The following CD47 variants were observed in gnomAD, a reference collection of about 807,000 sequenced individuals.
The protein encoded by CD47 is leukocyte surface antigen CD47.
A neutral mutation model predicts 44.6 loss-of-function variants in CD47; 11 were observed. That is an observed-to-expected ratio of 0.25 (90% CI 0.16 to 0.41). CD47 has a LOEUF of 0.41. CD47 is among the 10% of genes least tolerant of loss of function. CD47 has a pLI of 1.00. For missense variants in CD47, 306 were observed against 386.7 expected, an observed-to-expected ratio of 0.79 and a Z score of 1.75; for synonymous variants, 140 against 136.3, an observed-to-expected ratio of 1.03 and a Z score of -0.19.
intron 2 of CD47, 65 bp from the exon 3 acceptor site, chr3:108,071,247 G>C (rs2079195550): frequency 1.4e-6 from 1 of 734,794 alleles, no homozygotes; most frequent in East Asian, 2.8e-5. Context: ...TCTGCTAATG[G>C]TCTATAATAC....
chr3:108,090,925 G>A lies in CD47; in HGVS notation c.-17C>T. The A allele has an allele frequency of 6.8e-7, 1 of 1,468,162 alleles. No homozygotes were observed. Among genetic ancestry groups the A allele is most frequent in the Non-Finnish European group, 9.0e-7 (1 of 1,113,414 alleles). 90.9% of individuals were successfully genotyped at this position (1,468,162 alleles called of 1,614,324 possible). Reference sequence around the variant, plus strand: ...GGGCCACATCTCCGCGCCCGCCGCGGGGTCGCCGCCGCCGCCGCAGGTGTC... The same window carrying A: ...GGGCCACATCTCCGCGCCCGCCGCGAGGTCGCCGCCGCCGCCGCAGGTGTC... On this transcript the variant is annotated 5_prime_UTR_variant, in exon 1 of 11. Transcript: ENST00000361309.
chr3:108,081,508 C>T (rs2079416968), intron 1 of CD47, among the ~76,000 whole-genome samples: 1 of 151,988 alleles, frequency 6.6e-6, no homozygotes, highest in Admixed American at 6.6e-5. Context: ...ACTATGTTTA[C>T]TCAATAAATA....
At chr3:108,086,882 G>A (rs1163105104) in intron 1 of CD47, among the ~76,000 whole-genome samples, 1 of 152,166 alleles carries the variant, frequency 6.6e-6, no homozygotes, top group Non-Finnish European at 1.5e-5. Context: ...AAGTGAAAAG[G>A]TGGTAGACAG....
At chr3:108,089,684 G>A (rs1302074272) in intron 1 of CD47, among the ~76,000 whole-genome samples, 2 of 152,140 alleles carry the variant, frequency 1.3e-5, no homozygotes, top group Non-Finnish European at 2.9e-5. Context: ...CAGGATGCTC[G>A]GGGAGGGAGG....
chr3:108,073,961 C>T (rs1435336920), intron 2 of CD47, among the ~76,000 whole-genome samples: 3 of 152,126 alleles, frequency 2.0e-5, no homozygotes, highest in Non-Finnish European at 2.9e-5. Context: ...TGAGCAATGG[C>T]TAAAAGAACA....
chr3:108,063,861 AATTAC>A (rs1033666271), intron 3 of CD47, among the ~76,000 whole-genome samples: 1 of 152,210 alleles, frequency 6.6e-6, no homozygotes, highest in African/African-American at 2.4e-5. Flanking sequence ...AAATAACAGT[AATTAC>A]ATGCTTAACA....
At position 108,090,981 on chromosome 3, in the gene CD47, C is replaced by T. The variant is rs948263013; in HGVS notation, c.-73G>A. 2.5e-5 allele frequency: 27 copies of T among 1,095,388 alleles called. No homozygotes were observed. The South Asian group carries it at 4.4e-4, about 18-fold the overall frequency. 67.9% of individuals were successfully genotyped at this position (1,095,388 alleles called of 1,614,324 possible). ...CAGCAGCCGCCGCCGCCGTTACAGG[C>T]AGGACCGACCGCCGCCGCGCGTCAC... On this transcript the variant is annotated 5_prime_UTR_variant, in exon 1 of 11. Transcript: ENST00000361309.
rs1046959133 is a variant in CD47 at position 108,090,989 on chromosome 3, A to C, written c.-81T>G. 3.9e-6 allele frequency: 4 copies of C among 1,022,598 alleles called. No individual in the cohort carries two copies. Among genetic ancestry groups the C allele is most frequent in the Non-Finnish European group, 5.2e-6 (4 of 765,448 alleles). 63.3% of individuals were successfully genotyped at this position (1,022,598 alleles called of 1,614,324 possible). Reference sequence around the variant, plus strand: ...GCCGCCGCCGTTACAGGCAGGACCGACCGCCGCCGCGCGTCACAGGCAGGA... The same window carrying C: ...GCCGCCGCCGTTACAGGCAGGACCGCCCGCCGCCGCGCGTCACAGGCAGGA... On this transcript the variant is annotated 5_prime_UTR_variant, in exon 1 of 11. Coordinates refer to ENST00000361309, the MANE Select transcript of CD47 (RefSeq NM_001777.4).
At chr3:108,055,447 C>A in intron 7 of CD47, 1 of 828,310 alleles carries the variant, frequency 1.2e-6, no homozygotes, top group Non-Finnish European at 1.8e-6. Context: ...TTTACACAGT[C>A]AGATTATATA....
chr3:108,085,572 T>G (rs2079504092), intron 1 of CD47, among the ~76,000 whole-genome samples: 4 of 152,178 alleles, frequency 2.6e-5, no homozygotes, highest in Admixed American at 2.6e-4. Context: ...TCCCTACCAT[T>G]ACTCAATTGT....
chr3:108,061,822 T>C (rs902505307), intron 3 of CD47, among the ~76,000 whole-genome samples: 9 of 152,234 alleles, frequency 5.9e-5, no homozygotes, highest in African/African-American at 1.9e-4. Flanking sequence ...ATAGTCTCCA[T>C]GACAGTAATC....
intron 7 of CD47, among the ~76,000 whole-genome samples, chr3:108,056,739 A>C (rs982872780): frequency 2.0e-5 from 3 of 152,162 alleles, no homozygotes; most frequent in Non-Finnish European, 4.4e-5. Flanking sequence ...AATTGAAAAT[A>C]TCTCTCTGTG....
intron 2 of CD47, among the ~76,000 whole-genome samples, chr3:108,078,443 C>T (rs533451400): frequency 1.3e-5 from 2 of 152,118 alleles, no homozygotes; most frequent in African/African-American, 4.8e-5. Flanking sequence ...GTTTACCTCT[C>T]AGTGACCTGC....
intron 1 of CD47, among the ~76,000 whole-genome samples, chr3:108,083,296 T>C (rs1333338383): frequency 2.0e-5 from 3 of 152,060 alleles, no homozygotes; most frequent in Non-Finnish European, 4.4e-5. Context: ...TTGGTGAATA[T>C]AGACTATCAG....
chr3:108,079,013 T>C (rs538010125), intron 2 of CD47, among the ~76,000 whole-genome samples: 1 of 152,194 alleles, frequency 6.6e-6, no homozygotes, highest in Admixed American at 6.5e-5. Flanking sequence ...GACCTCCTGA[T>C]TCTCAATCCT....
At chr3:108,052,112 A>T in intron 7 of CD47, 142 bp from the exon 8 acceptor site, 1 of 535,350 alleles carries the variant, frequency 1.9e-6, no homozygotes, top group Non-Finnish European at 3.4e-6. Context: ...CAGCTCTGAC[A>T]GTCTATTCAA....
intron 1 of CD47, 84 bp downstream of exon 1, chr3:108,090,779 C>G: frequency 7.8e-7 from 1 of 1,286,238 alleles, no homozygotes; most frequent in Non-Finnish European, 1.0e-6. Flanking sequence ...TTCAGGGCGC[C>G]GCCGGGCTGG....
intron 1 of CD47, 74 bp from the exon 2 acceptor site, chr3:108,080,418 C>G: frequency 1.3e-6 from 1 of 745,410 alleles, no homozygotes; most frequent in South Asian, 1.9e-5. Context: ...TGTTACAAAT[C>G]CTTAAGATAA....
intron 1 of CD47, among the ~76,000 whole-genome samples, chr3:108,088,914 T>C (rs1345096941): frequency 6.6e-6 from 1 of 152,172 alleles, no homozygotes; most frequent in East Asian, 1.9e-4. Context: ...ACTAACACTG[T>C]AGAGGGTGCC....
Sources: gnomAD v4.1 joint callset for allele counts (sites outside exome capture counted in the v4.1 genomes callset) on GRCh38, gnomAD v4.1.1 for gene constraint, MANE v1.5 for transcripts, NCBI Gene and HGNC (gene_info 2026-07-23, HGNC 2026-07-21) for gene names.